Variants in FBXO25 observed in about 807,000 individuals in gnomAD.
The protein encoded by FBXO25 is F-box only protein 25.
Under a neutral mutation model 51.9 loss-of-function variants are expected in FBXO25, and 45 were observed. That is an observed-to-expected ratio of 0.87 (90% CI 0.68 to 1.11). FBXO25 has a LOEUF of 1.11. FBXO25 is among the 50% of genes most tolerant of loss of function. The probability of loss-of-function intolerance (pLI) is 0.00; values close to 1 mark genes in which losing one functional copy is unlikely to be tolerated. For missense variants in FBXO25, 507 were observed against 428.5 expected (o/e 1.18, Z -1.62); for synonymous variants, 199 against 151.0 (o/e 1.32, Z -2.33).
chr8:439,424 A>G (rs1212114255), intron 5 of FBXO25, among the ~76,000 whole-genome samples: 1 of 152,206 alleles, frequency 6.6e-6, no homozygotes. Flanking sequence ...CTGTAGGAAA[A>G]AAGTTTTCAG....
chr8:467,175 G>A (rs1413418588), intron 9 of FBXO25, among the ~76,000 whole-genome samples: 5 of 152,200 alleles, frequency 3.3e-5, no homozygotes, highest in Admixed American at 2.0e-4. Flanking sequence ...CAGGAGGGCA[G>A]CTGCTGAGGC....
chr8:415,061 C>G lies in FBXO25; in HGVS notation c.134+1848C>G, dbSNP rs189872691. ...TAAAATTGATTTTAAAAAGATAAGACCATATGTAATCACCATTTAAAATCA... is the reference window on the plus strand; with the variant it reads ...TAAAATTGATTTTAAAAAGATAAGAGCATATGTAATCACCATTTAAAATCA... On this transcript the variant is annotated intron_variant, in intron 2 of 9. Coordinates refer to ENST00000350302, the MANE Select transcript of FBXO25 (RefSeq NM_183420.2). Among the ~76,000 whole-genome samples the G allele has an allele frequency of 1.2e-3, 189 of 152,284 alleles. 1 individual carries two copies. Among genetic ancestry groups the G allele is most frequent in the African/African-American group, 4.1e-3 (171 of 41,560 alleles).
chr8:462,298 C>A (rs553719578), intron 8 of FBXO25, among the ~76,000 whole-genome samples: 1 of 152,338 alleles, frequency 6.6e-6, no homozygotes, highest in South Asian at 2.1e-4. Context: ...AATGTCTTTG[C>A]ATGTCCTTTG....
intron 9 of FBXO25, among the ~76,000 whole-genome samples, chr8:466,376 C>T (rs892513206): frequency 2.0e-5 from 3 of 152,182 alleles, no homozygotes; most frequent in African/African-American, 4.8e-5. Context: ...TGACCCACCA[C>T]ACAGAGGAGC....
chr8:424,118 A>ATTTTT (rs36051355), intron 2 of FBXO25, among the ~76,000 whole-genome samples: 2 of 120,644 alleles, frequency 1.7e-5, no homozygotes, highest in African/African-American at 3.1e-5. Flanking sequence ...TCCTTTGCCC[A>ATTTTT]TTTTTTTTTT....
intron 5 of FBXO25, among the ~76,000 whole-genome samples, chr8:446,251 ACT>A (rs1248837142): frequency 6.6e-6 from 1 of 151,512 alleles, no homozygotes; most frequent in Non-Finnish European, 1.5e-5. Context: ...TGGTGGTAGA[ACT>A]CTCTCTCCCA....
At position 458,369 on chromosome 8, in the gene FBXO25, C is replaced by G. The variant is rs1799590420; in HGVS notation, c.661C>G (p.Gln221Glu). The change falls in exon 8 of 10, where the codon CAA becomes GAA. Residue 221 changes from glutamine to glutamate, a missense_variant and splice_region_variant. Physicochemically the swap from Gln to Glu is conservative, Grantham distance 29. Transcript: ENST00000350302. The stretch of plus-strand genomic sequence containing the variant: ...AGTTGCTGTTGTGTTTTCCTTTCAG[C>G]AAGTGAACAATGGCCTCACCCTCAG... ...QQLQDLQMTK[Q>E]VNNGLTLSDL... is the part of the protein sequence containing the mutation. 1.2e-6 allele frequency: 2 copies of G among 1,612,354 alleles called. No homozygotes were observed. Among genetic ancestry groups the G allele is most frequent in the Non-Finnish European group, 1.7e-6 (2 of 1,179,234 alleles).
intron 2 of FBXO25, among the ~76,000 whole-genome samples, chr8:416,954 G>C (rs893611829): frequency 6.6e-6 from 1 of 152,192 alleles, no homozygotes; most frequent in Non-Finnish European, 1.5e-5. Context: ...TCTATAGAGA[G>C]TGGCCTCTAA....
chr8:410,163 C>T (rs1796404335), intron 1 of FBXO25, among the ~76,000 whole-genome samples: 1 of 152,130 alleles, frequency 6.6e-6, no homozygotes, highest in African/African-American at 2.4e-5. Context: ...TCTCTCTTTA[C>T]CACAAGTTAC....
Position 451,385 on chromosome 8 carries a change from A to C in FBXO25, c.592A>C (p.Ile198Leu). ...GKSVLVGNIN[I>L]WICRLETILA... ...GTCTGTATTAGTGGGAAACATCAATATTTGGATTTGCCGATTAGAAACTAT... is the reference window on the plus strand; with the variant it reads ...GTCTGTATTAGTGGGAAACATCAATCTTTGGATTTGCCGATTAGAAACTAT... The change falls in exon 7 of 10, where the codon ATT (isoleucine) becomes CTT (leucine). Residue 198 changes from isoleucine (I) to leucine (L), a missense_variant. Transcript: ENST00000350302. 6.2e-7 allele frequency: 1 copy of C among 1,614,048 alleles called. No individual in the cohort carries two copies. Among genetic ancestry groups the C allele is most frequent in the African/African-American group, 1.3e-5 (1 of 75,044 alleles).
chr8:444,308 C>T lies in FBXO25; in HGVS notation c.382-5682C>T, dbSNP rs182184936. 8.4e-3 allele frequency among the ~76,000 whole-genome samples: 1,279 copies of T among 152,286 alleles called. 12 individuals are homozygous for T. The highest frequency in any genetic ancestry group is 0.029 in the African/African-American group (1,214 of 41,570). On this transcript the variant is annotated intron_variant, in intron 5 of 9. Transcript: ENST00000350302. ...TTGTTGTTTCTCTTTCTCTGCCCTT[C>T]CCCATGTATGTGAGGCCCTTCAGGA...
chr8:466,295 C>T (rs1800155883), intron 9 of FBXO25, among the ~76,000 whole-genome samples: 1 of 152,230 alleles, frequency 6.6e-6, no homozygotes, highest in South Asian at 2.1e-4. Flanking sequence ...AGATTGGAGT[C>T]AGGCAGACCT....
Position 469,504 on chromosome 8 carries a change from G to C in FBXO25, c.*700G>C, listed in dbSNP as rs1469903403. 1 of 152,202 alleles carries C rather than the reference G, an allele frequency of 6.6e-6. No individual in the cohort carries two copies. The highest frequency in any genetic ancestry group is 1.5e-5 in the Non-Finnish European group (1 of 68,036). The allele number at this position is 152,202 out of a possible 1,614,324, so 9.4% of individuals were successfully genotyped here. On this transcript the variant is annotated 3_prime_UTR_variant, in exon 10 of 10. Coordinates refer to ENST00000350302, the MANE Select transcript of FBXO25 (RefSeq NM_183420.2). ...TGGACTGTGATGGGAACAGCCCAGTGCAGTCTAAACTTCAATTGTGTTGAA... is the reference window on the plus strand; with the variant it reads ...TGGACTGTGATGGGAACAGCCCAGTCCAGTCTAAACTTCAATTGTGTTGAA...
intron 1 of FBXO25, among the ~76,000 whole-genome samples, chr8:410,333 T>C (rs1796414260): frequency 6.6e-6 from 1 of 152,194 alleles, no homozygotes; most frequent in Non-Finnish European, 1.5e-5. Context: ...GGCAGGAACA[T>C]CTAGCATAAT....
intron 4 of FBXO25, among the ~76,000 whole-genome samples, chr8:435,118 G>A (rs1223803961): frequency 6.6e-6 from 1 of 152,138 alleles, no homozygotes; most frequent in Non-Finnish European, 1.5e-5. Context: ...GTGCATGGCT[G>A]CTCTGGAGAG....
intron 5 of FBXO25, among the ~76,000 whole-genome samples, chr8:447,997 G>C (rs1798845202): frequency 1.3e-5 from 2 of 152,088 alleles, no homozygotes; most frequent in Non-Finnish European, 1.5e-5. Flanking sequence ...AGAAGACAGA[G>C]ATGTTTTGGG....
At chr8:440,153 T>C (rs1332230968) in intron 5 of FBXO25, among the ~76,000 whole-genome samples, 1 of 152,196 alleles carries the variant, frequency 6.6e-6, no homozygotes, top group Non-Finnish European at 1.5e-5. Context: ...GTTGGAATTC[T>C]GTCTCTTTCT....
At chr8:435,135 C>T (rs1352791279) in intron 4 of FBXO25, among the ~76,000 whole-genome samples, 1 of 152,144 alleles carries the variant, frequency 6.6e-6, no homozygotes, top group African/African-American at 2.4e-5. Flanking sequence ...AGAGAAATCC[C>T]ATGTTATACT....
In FBXO25 at chr8:476,397, G is replaced by A. The variant is rs1382245322; in HGVS notation, c.*7593G>A. Reference sequence around the variant, plus strand: ...ATGGCCTCATAGAATGCATTTGGAAGTGTCCTTTCCTCTTCAGTTTTTTGG... The same window carrying A: ...ATGGCCTCATAGAATGCATTTGGAAATGTCCTTTCCTCTTCAGTTTTTTGG... On this transcript the variant is annotated 3_prime_UTR_variant, in exon 10 of 10. Coordinates refer to ENST00000350302, the MANE Select transcript of FBXO25 (RefSeq NM_183420.2). The A allele has an allele frequency of 1.3e-5, 2 of 152,164 alleles. No individual in the cohort carries two copies. Among genetic ancestry groups the A allele is most frequent in the African/African-American group, 4.8e-5 (2 of 41,428 alleles). The allele number at this position is 152,164 out of a possible 1,614,324, so 9.4% of individuals were successfully genotyped here. A position where few individuals can be genotyped will look rare whatever the true frequency, so the allele number is the denominator to read the frequency against.
Sources: allele counts gnomAD v4.1 joint callset (sites outside exome capture counted in the v4.1 genomes callset), GRCh38; gene constraint gnomAD v4.1.1; transcripts MANE v1.5; gene names NCBI Gene and HGNC (gene_info 2026-07-23, HGNC 2026-07-21).